Variants in LARP1 observed in about 807,000 individuals in gnomAD.
LARP1 encodes the protein La ribonucleoprotein 1, translational regulator, also known as la-related protein 1.
LARP1 carries 36 observed loss-of-function variants against 122.7 expected under a neutral mutation model. The ratio of observed to expected loss-of-function variants is 0.29; its 90% CI spans 0.22 to 0.39. The LOEUF is 0.39. LARP1 is among the 10% of genes least tolerant of loss of function. LARP1 has a pLI of 1.00. For missense variants in LARP1, 1,040 were observed against 1,403.6 expected, an observed-to-expected ratio of 0.74 and a Z score of 4.14; for synonymous variants, 539 against 528.7, an observed-to-expected ratio of 1.02 and a Z score of -0.27.
At chr5:154,708,087 G>A (rs1459108104), upstream of LARP1, among the ~76,000 whole-genome samples, 1 of 152,158 alleles carries the variant, frequency 6.6e-6, no homozygotes, top group African/African-American at 2.4e-5. Flanking sequence ...CAGTTCGGGG[G>A]TCTTTTGTGG....
chr5:154,719,324 C>T (rs1194143180), intron 1 of LARP1, among the ~76,000 whole-genome samples: 1 of 152,142 alleles, frequency 6.6e-6, no homozygotes, highest in Non-Finnish European at 1.5e-5. Flanking sequence ...TCAGCAAGCT[C>T]CCAGCTCCCT....
chr5:154,749,456 T>C (rs1009179320), intron 1 of LARP1, among the ~76,000 whole-genome samples: 2 of 152,148 alleles, frequency 1.3e-5, no homozygotes, highest in African/African-American at 4.8e-5. Flanking sequence ...GGGATAGTCA[T>C]GGAAAAGGAT....
intron 16 of LARP1, among the ~76,000 whole-genome samples, chr5:154,809,031 A>G (rs1488492702): frequency 2.0e-5 from 3 of 152,136 alleles, no homozygotes; most frequent in Non-Finnish European, 4.4e-5. Flanking sequence ...AGATCATTCT[A>G]TATCTGTACA....
Position 154,728,745 on chromosome 5 carries a change from T to C in LARP1, c.205+15615T>C, listed in dbSNP as rs559489421. Among the ~76,000 whole-genome samples the C allele has an allele frequency of 2.6e-5, 4 of 152,268 alleles. No individual in the cohort carries two copies. In the South Asian group the frequency reaches 8.3e-4, roughly 32 times the overall value. ...GACTAATAAGAAGGAAAGAGAACAC[T>C]GAAGACTATAGGAATAGCAGATATG... On this transcript the variant is annotated intron_variant, in intron 1 of 18. Transcript: ENST00000336314.
chr5:154,751,288 C>T (rs1473606542), upstream of LARP1, among the ~76,000 whole-genome samples: 1 of 152,166 alleles, frequency 6.6e-6, no homozygotes, highest in Admixed American at 6.6e-5. Context: ...TGAGTACCCA[C>T]CTTACTTTCT....
At position 154,755,663 on chromosome 5, in the gene LARP1, C is replaced by T; in HGVS notation, c.-95C>T. On this transcript the variant is annotated 5_prime_UTR_variant, in exon 1 of 19. Transcript: ENST00000518297. ...CTGCAGGGACTGGGGCCCAGCGCCC[C>T]GGAGGAAGGCGTCGCGGGCGCTCTG... The T allele has an allele frequency of 1.0e-6, 1 of 987,604 alleles. No homozygotes were observed. The highest frequency in any genetic ancestry group is 1.2e-6 in the Non-Finnish European group (1 of 830,190). 61.2% of individuals were successfully genotyped at this position (987,604 alleles called of 1,614,324 possible). A position where few individuals can be genotyped will look rare whatever the true frequency, so the allele number is the denominator to read the frequency against.
chr5:154,764,319 A>G (rs1262927594), intron 1 of LARP1, among the ~76,000 whole-genome samples: 2 of 150,910 alleles, frequency 1.3e-5, no homozygotes, highest in East Asian at 3.9e-4. Flanking sequence ...CAAAAAAAAA[A>G]AAAAAGCTGC....
At chr5:154,709,126 T>C (rs1582175515), upstream of LARP1, among the ~76,000 whole-genome samples, 2 of 152,360 alleles carry the variant, frequency 1.3e-5, no homozygotes, top group Non-Finnish European at 1.5e-5. Context: ...TGTCACCTTT[T>C]GAACTGCAGC....
In LARP1 at chr5:154,774,542, C is replaced by A. The variant is rs551228133; in HGVS notation, c.437-15783C>A. Among the ~76,000 whole-genome samples the A allele has an allele frequency of 3.4e-4, 52 of 152,326 alleles. 2 individuals carry two copies. In the South Asian group the frequency reaches 9.5e-3, roughly 28 times the overall value. On this transcript the variant is annotated intron_variant, in intron 1 of 18. Transcript: ENST00000518297. Reference sequence around the variant, plus strand: ...TTTCTCCTGGGGTCTAGTCTTATTACTCAAACCCTTGGATATAACGGGTTG... The same window carrying A: ...TTTCTCCTGGGGTCTAGTCTTATTAATCAAACCCTTGGATATAACGGGTTG...
intron 1 of LARP1, among the ~76,000 whole-genome samples, chr5:154,732,583 T>C (rs1183620882): frequency 6.6e-6 from 1 of 152,222 alleles, no homozygotes; most frequent in African/African-American, 2.4e-5. Context: ...TAGATATTGG[T>C]CTTTCCTGGA....
At chr5:154,804,023 C>G (rs1217506593) in intron 13 of LARP1, among the ~76,000 whole-genome samples, 178 bp from the exon 14 acceptor site, 1 of 152,182 alleles carries the variant, frequency 6.6e-6, no homozygotes, top group African/African-American at 2.4e-5. Context: ...ATTTCTTCAC[C>G]TGTTTGAAAT....
intron 16 of LARP1, among the ~76,000 whole-genome samples, chr5:154,810,247 C>A: frequency 6.6e-6 from 1 of 151,230 alleles, no homozygotes; most frequent in Admixed American, 6.6e-5. Context: ...ACCAGCCTGG[C>A]CAACATGGTG....
chr5:154,805,024 T>C (rs191764642), intron 14 of LARP1: 2 of 409,892 alleles, frequency 4.9e-6, no homozygotes, highest in Admixed American at 2.8e-5. Context: ...CAATAACATA[T>C]AGTCAATTAG....
intron 1 of LARP1, among the ~76,000 whole-genome samples, chr5:154,724,258 T>C (rs1756064695): frequency 6.6e-6 from 1 of 152,236 alleles, no homozygotes; most frequent in South Asian, 2.1e-4. Context: ...ATTGCCTCAT[T>C]GAATTTTTAC....
intron 1 of LARP1, among the ~76,000 whole-genome samples, chr5:154,757,444 A>G (rs1385691441): frequency 1.3e-5 from 2 of 151,628 alleles, no homozygotes; most frequent in Non-Finnish European, 2.9e-5. Context: ...GCCGGCGTAT[A>G]GGGCGGGTCT....
At chr5:154,699,814 A>C (rs1754634182) in intron 1 of LARP1, among the ~76,000 whole-genome samples, 1 of 152,166 alleles carries the variant, frequency 6.6e-6, no homozygotes, top group African/African-American at 2.4e-5. Flanking sequence ...CTCCATTTTA[A>C]TCCATTTTCT....
At chr5:154,747,541 T>C (rs1251011496) in intron 1 of LARP1, among the ~76,000 whole-genome samples, 1 of 151,048 alleles carries the variant, frequency 6.6e-6, no homozygotes, top group East Asian at 2.0e-4. Context: ...ACCCCATCTC[T>C]ACTAAAAATA....
At chr5:154,797,518 C>T (rs1033710750) in intron 8 of LARP1, among the ~76,000 whole-genome samples, 1 of 152,012 alleles carries the variant, frequency 6.6e-6, no homozygotes, top group Non-Finnish European at 1.5e-5. Flanking sequence ...CAGGCATGAG[C>T]TACCGCGCCC....
In LARP1 at chr5:154,802,242, A is replaced by G; in HGVS notation, c.1952A>G (p.His651Arg). Residue 651 changes from histidine to arginine, a missense_variant, in exon 11 of 19, where the codon CAT becomes CGT. Around this residue, in one of 8 missense-constraint regions of LARP1, gnomAD observed 362 missense variants for 533.1 expected, o/e 0.68. Coordinates refer to ENST00000518297, the MANE Select transcript of LARP1 (RefSeq NM_033551.3). The surrounding 1 kb of genome is among the most constrained non-coding windows in gnomAD (Gnocchi z 5.1). ...NKILIVTQTP[H>R]YMRRHPGGDR... ...ATCCTCATTGTCACCCAGACACCAC[A>G]TTACATGCGCCGGCACCCAGGGGGG... 6.2e-7 allele frequency: 1 copy of G among 1,614,186 alleles called. No individual in the cohort carries two copies. The highest frequency in any genetic ancestry group is 8.5e-7 in the Non-Finnish European group (1 of 1,180,034).
Sources: allele counts gnomAD v4.1 joint callset (sites outside exome capture counted in the v4.1 genomes callset), GRCh38; gene constraint gnomAD v4.1.1; regional missense constraint gnomAD v4.1.1; non-coding constraint Gnocchi (gnomAD v3.1); transcripts MANE v1.5; gene names NCBI Gene and HGNC (gene_info 2026-07-23, HGNC 2026-07-21).